Variants in ADGRB3 observed in about 807,000 individuals in gnomAD.
ADGRB3 encodes brain-specific angiogenesis inhibitor 3.
In ADGRB3, 37 loss-of-function variants were observed where a neutral mutation model predicts 193.4. The observed-to-expected ratio is 0.19, with a 90% confidence interval of 0.15 to 0.25. ADGRB3 has a LOEUF of 0.25. Ranked by LOEUF, ADGRB3 falls within the 10% of genes least tolerant of loss-of-function variation. The pLI, the probability that ADGRB3 is intolerant of heterozygous loss-of-function variation, is 1.00. For synonymous variants in ADGRB3, 690 were observed against 644.2 expected (o/e 1.07, Z -1.08); for missense variants, 1,637 against 1,852.9 (o/e 0.88, Z 2.14).
At chr6:68,780,823 C>G (rs555331935) in intron 3 of ADGRB3, among the ~76,000 whole-genome samples, 6 of 152,202 alleles carry the variant, frequency 3.9e-5, no homozygotes, top group East Asian at 1.9e-4. Flanking sequence ...ATTATCAAAA[C>G]AAGGAAATTG....
Position 69,361,290 on chromosome 6 carries a change from G to A in ADGRB3, c.4017G>A (p.Arg1339=), listed in dbSNP as rs752611308. 1 of 1,612,826 alleles carries A rather than the reference G, an allele frequency of 6.2e-7. No individual in the cohort carries two copies. Among genetic ancestry groups the A allele is most frequent in the Non-Finnish European group, 8.5e-7 (1 of 1,179,230 alleles). Residue 1339 remains arginine, a synonymous_variant, in exon 29 of 32, where the codon AGG becomes AGA. Transcript: ENST00000370598. ...GCATGGAAACCTTGCCGCATGAAAG[G>A]CTATTGCACTACAAAGTAAACCCTG... ...NIGMETLPHE[R]LLHYKVNPEF...
chr6:69,094,755 T>A (rs919063826), intron 17 of ADGRB3, among the ~76,000 whole-genome samples: 1 of 152,184 alleles, frequency 6.6e-6, no homozygotes, highest in Admixed American at 6.5e-5. Flanking sequence ...AAATCTCTAG[T>A]CAGATAATGT....
intron 3 of ADGRB3, among the ~76,000 whole-genome samples, chr6:68,922,586 A>ATGT (rs1767074212): frequency 1.3e-5 from 2 of 152,210 alleles, no homozygotes; most frequent in African/African-American, 4.8e-5. Context: ...GATAGCCTAT[A>ATGT]TGTTCATGAA....
At chr6:68,998,947 A>G (rs1157260225) in intron 11 of ADGRB3, among the ~76,000 whole-genome samples, 1 of 152,168 alleles carries the variant, frequency 6.6e-6, no homozygotes, top group Non-Finnish European at 1.5e-5. Context: ...GGCTTAGACA[A>G]TATCACCTAT....
chr6:69,250,800 C>G (rs1169483190), intron 20 of ADGRB3, among the ~76,000 whole-genome samples: 1 of 152,192 alleles, frequency 6.6e-6, no homozygotes, highest in Non-Finnish European at 1.5e-5. Context: ...CACTCACCAG[C>G]CTAGTGTTCT....
chr6:69,078,058 A>G (rs1255528089), intron 17 of ADGRB3, among the ~76,000 whole-genome samples: 1 of 151,954 alleles, frequency 6.6e-6, no homozygotes, highest in African/African-American at 2.4e-5. Context: ...ATGTAATCAT[A>G]TTGAATTTGA....
At chr6:68,664,106 G>T (rs1768738738) in intron 3 of ADGRB3, among the ~76,000 whole-genome samples, 1 of 151,714 alleles carries the variant, frequency 6.6e-6, no homozygotes, top group African/African-American at 2.4e-5. Flanking sequence ...GTTCTCATTT[G>T]TCTTAATTTA....
chr6:68,841,096 T>C (rs1343176496), intron 3 of ADGRB3, among the ~76,000 whole-genome samples: 1 of 148,870 alleles, frequency 6.7e-6, no homozygotes, highest in East Asian at 1.9e-4. Context: ...CACCCCAATA[T>C]AGAAAACAAA....
intron 10 of ADGRB3, among the ~76,000 whole-genome samples, chr6:68,981,852 A>C (rs78279090): frequency 0.025 from 3,045 of 124,112 alleles, 125 homozygotes; most frequent in East Asian, 0.053. Context: ...TTTGTTATTT[A>C]TTTATTTATT....
intron 17 of ADGRB3, among the ~76,000 whole-genome samples, chr6:69,149,368 T>C (rs1774601059): frequency 6.6e-6 from 1 of 151,998 alleles, no homozygotes; most frequent in African/African-American, 2.4e-5. Flanking sequence ...ATTTTTCAGC[T>C]CGGAATTTCT....
chr6:69,265,927 G>A (rs540873141), intron 20 of ADGRB3, among the ~76,000 whole-genome samples: 25 of 151,920 alleles, frequency 1.6e-4, no homozygotes, highest in Middle Eastern at 3.4e-3. Flanking sequence ...TTCATCCCAT[G>A]CTCATTCTTT....
At chr6:69,388,124 T>A (rs914632617) in intron 31 of ADGRB3, among the ~76,000 whole-genome samples, 1 of 151,962 alleles carries the variant, frequency 6.6e-6, no homozygotes, top group South Asian at 2.1e-4. Context: ...ATTATTAATT[T>A]TAGTCAATCT....
At chr6:69,186,350 A>G (rs995858701) in intron 17 of ADGRB3, among the ~76,000 whole-genome samples, 9 of 152,122 alleles carry the variant, frequency 5.9e-5, no homozygotes, top group African/African-American at 2.2e-4. Context: ...TAGAAGCAAC[A>G]TTAGAAGGCA....
At chr6:68,642,179 T>C (rs1036248642) in intron 3 of ADGRB3, among the ~76,000 whole-genome samples, 2 of 152,204 alleles carry the variant, frequency 1.3e-5, no homozygotes, top group Admixed American at 1.3e-4. Context: ...TCAGAAGGCC[T>C]GCCTTGAGTA....
At chr6:69,028,516 A>T (rs1770508013) in intron 13 of ADGRB3, among the ~76,000 whole-genome samples, 1 of 152,162 alleles carries the variant, frequency 6.6e-6, no homozygotes, top group Non-Finnish European at 1.5e-5. Flanking sequence ...AACACTGATC[A>T]TGTTATGATG....
chr6:69,164,550 G>A (rs1582511441), intron 17 of ADGRB3, among the ~76,000 whole-genome samples: 1 of 152,118 alleles, frequency 6.6e-6, no homozygotes, highest in East Asian at 1.9e-4. Context: ...TCTGAGCAGG[G>A]TCTTGTTATT....
At chr6:68,775,399 G>A (rs943543686) in intron 3 of ADGRB3, among the ~76,000 whole-genome samples, 5 of 152,086 alleles carry the variant, frequency 3.3e-5, no homozygotes, top group Admixed American at 6.6e-5. Context: ...GTTATAGAGA[G>A]TGAGAACTGG....
intron 17 of ADGRB3, among the ~76,000 whole-genome samples, chr6:69,080,181 C>G (rs189960065): frequency 7.5e-4 from 114 of 152,190 alleles, no homozygotes; most frequent in African/African-American, 2.7e-3. Flanking sequence ...AAATATAAAA[C>G]TAACACTTCA....
At chr6:68,999,614 G>T (rs1769506508) in intron 11 of ADGRB3, among the ~76,000 whole-genome samples, 1 of 152,154 alleles carries the variant, frequency 6.6e-6, no homozygotes, top group South Asian at 2.1e-4. Flanking sequence ...CCAGCTTAAA[G>T]ATATCTTTTG....
Sources: gnomAD v4.1 joint callset for allele counts (sites outside exome capture counted in the v4.1 genomes callset) on GRCh38, gnomAD v4.1.1 for gene constraint, MANE v1.5 for transcripts, NCBI Gene and HGNC (gene_info 2026-07-23, HGNC 2026-07-21) for gene names.